Variants in SCGB2B2 observed in about 807,000 individuals in gnomAD.
The protein encoded by SCGB2B2 is secretoglobin family 2B member 2.
Under a neutral mutation model 7.6 loss-of-function variants are expected in SCGB2B2, and 11 were observed. That is an observed-to-expected ratio of 1.45 (90% CI 0.91 to 2.40). SCGB2B2 has a LOEUF of 2.40. Ranked by LOEUF, SCGB2B2 falls within the 30% of genes most tolerant of loss-of-function variation. SCGB2B2 has a pLI of 0.00. For missense variants in SCGB2B2, 104 were observed against 115.4 expected, an observed-to-expected ratio of 0.90 and a Z score of 0.45; for synonymous variants, 50 against 48.6, an observed-to-expected ratio of 1.03 and a Z score of -0.12.
At chr19:34,611,552 A>G (rs1047066647) in intron 1 of SCGB2B2, among the ~76,000 whole-genome samples, 1 of 152,024 alleles carries the variant, frequency 6.6e-6, no homozygotes, top group Non-Finnish European at 1.5e-5. Flanking sequence ...GTAGGTATTT[A>G]TCATCAAAAT....
At position 34,652,783 on chromosome 19, in the gene SCGB2B2, T is replaced by C. The variant is rs144626246; in HGVS notation, c.-2032+22847A>G. Among the ~76,000 whole-genome samples the C allele has an allele frequency of 6.5e-3, 991 of 151,386 alleles. 77 individuals are homozygous for C. Among genetic ancestry groups the C allele is most frequent in the African/African-American group, 0.024 (963 of 40,704 alleles). On this transcript the variant is annotated intron_variant, in intron 1 of 3. Transcript: ENST00000601241. Reference sequence around the variant, plus strand: ...GGAATGTAAATTAGAACAGTTATTATGAAAAACAGTATGAGGGTTCCTCAA... The same window carrying C: ...GGAATGTAAATTAGAACAGTTATTACGAAAAACAGTATGAGGGTTCCTCAA...
intron 1 of SCGB2B2, among the ~76,000 whole-genome samples, chr19:34,613,989 T>C (rs893954936): frequency 6.6e-6 from 1 of 152,240 alleles, no homozygotes; most frequent in Non-Finnish European, 1.5e-5. Flanking sequence ...AGAAAATTGC[T>C]ATTGGTCTAC....
chr19:34,666,966 C>T lies in SCGB2B2; in HGVS notation c.-2032+8664G>A, dbSNP rs151080172. Among the ~76,000 whole-genome samples the T allele has an allele frequency of 5.4e-3, 821 of 152,252 alleles. 14 individuals are homozygous for T. The highest frequency in any genetic ancestry group is 0.019 in the African/African-American group (792 of 41,546). ...AGGACACCTACATGGATTCTGTCAA[C>T]AGATATCATCCCACGGAGCTGGAAA... On this transcript the variant is annotated intron_variant, in intron 1 of 3. Coordinates refer to ENST00000601241, the MANE Select transcript of SCGB2B2 (RefSeq NM_001025591.4).
intron 1 of SCGB2B2, among the ~76,000 whole-genome samples, chr19:34,616,251 G>A (rs2066075651): frequency 6.6e-6 from 1 of 150,418 alleles, no homozygotes; most frequent in African/African-American, 2.4e-5. Flanking sequence ...CTAGATCCCT[G>A]AGGAATGGCC....
In SCGB2B2 at chr19:34,593,535, G is replaced by T; in HGVS notation, c.*20C>A. 2.6e-6 allele frequency: 4 copies of T among 1,545,006 alleles called. No homozygotes were observed. The highest frequency in any genetic ancestry group is 3.5e-6 in the Non-Finnish European group (4 of 1,141,654). ...AAGGAAGGCAGGAGGGCCAATATCT[G>T]ATCTGCAGGGGTCCTCAGATCAGAA... On this transcript the variant is annotated 3_prime_UTR_variant, in exon 4 of 4. Coordinates refer to ENST00000601241, the MANE Select transcript of SCGB2B2 (RefSeq NM_001025591.4).
chr19:34,668,865 G>C (rs946552646), intron 1 of SCGB2B2, among the ~76,000 whole-genome samples: 2 of 152,110 alleles, frequency 1.3e-5, no homozygotes, highest in African/African-American at 2.4e-5. Flanking sequence ...CAGACGGCTC[G>C]GCTCTCTGTA....
chr19:34,607,798 T>C (rs1309117161), intron 1 of SCGB2B2, among the ~76,000 whole-genome samples: 3 of 152,246 alleles, frequency 2.0e-5, no homozygotes, highest in African/African-American at 7.2e-5. Flanking sequence ...TGGATTGTTT[T>C]TTGCAATGAG....
chr19:34,608,659 G>GAATATATATATATATATA, intron 1 of SCGB2B2: 1 of 24,052 alleles, frequency 4.2e-5, no homozygotes, highest in East Asian at 1.6e-3. Context: ...GTGTCTCATT[G>GAATATATATATATATATA]CATATATATA....
chr19:34,658,401 A>G (rs978175557), intron 1 of SCGB2B2, among the ~76,000 whole-genome samples: 2 of 152,216 alleles, frequency 1.3e-5, no homozygotes, highest in Non-Finnish European at 2.9e-5. Context: ...GATGCAATAA[A>G]AAAATGATAA....
At chr19:34,661,549 T>C (rs896085457) in intron 1 of SCGB2B2, among the ~76,000 whole-genome samples, 6 of 152,194 alleles carry the variant, frequency 3.9e-5, no homozygotes, top group African/African-American at 1.4e-4. Context: ...AAGAACTAAG[T>C]AAAGCTTTAG....
In SCGB2B2 at chr19:34,593,602, G is replaced by A. The variant is rs1215111898; in HGVS notation, c.247-3C>T. 1.9e-6 allele frequency: 3 copies of A among 1,551,666 alleles called. No individual in the cohort carries two copies. In the South Asian group the frequency reaches 3.6e-5, roughly 18 times the overall value. On this transcript the variant is annotated splice_region_variant and splice_polypyrimidine_tract_variant and intron_variant, in intron 3 of 3. Coordinates refer to ENST00000601241, the MANE Select transcript of SCGB2B2 (RefSeq NM_001025591.4). The stretch of plus-strand genomic sequence containing the variant: ...TCGTTGCTCTGAAGGATCTTCTTCT[G>A]TTGGAAAAAGAAGAAAGAGAGGAGC...
At chr19:34,638,290 A>G (rs992409677) in intron 1 of SCGB2B2, 2 of 152,174 alleles carry the variant, frequency 1.3e-5, no homozygotes, top group Non-Finnish European at 2.9e-5. Context: ...TCTACTAAAA[A>G]TACAAAAAAT....
At chr19:34,657,064 G>C (rs1178855342) in intron 1 of SCGB2B2, among the ~76,000 whole-genome samples, 1 of 151,204 alleles carries the variant, frequency 6.6e-6, no homozygotes, top group Non-Finnish European at 1.5e-5. Context: ...ATATATTAAA[G>C]AGTTTTTGAA....
intron 1 of SCGB2B2, among the ~76,000 whole-genome samples, chr19:34,671,331 T>TGACC (rs1347567899): frequency 3.3e-5 from 5 of 152,388 alleles, no homozygotes; most frequent in African/African-American, 1.2e-4. Context: ...AGTGTTGGTC[T>TGACC]ATTTCTGGAC....
chr19:34,634,644 G>T (rs1489870667), intron 1 of SCGB2B2, among the ~76,000 whole-genome samples: 2 of 152,154 alleles, frequency 1.3e-5, no homozygotes, highest in African/African-American at 4.8e-5. Context: ...CCTCCAGGGT[G>T]AACTTTCTGG....
intron 1 of SCGB2B2, among the ~76,000 whole-genome samples, chr19:34,628,349 G>C (rs2066435446): frequency 6.7e-6 from 1 of 148,614 alleles, no homozygotes; most frequent in African/African-American, 2.4e-5. Context: ...TTTTTGACAA[G>C]ATCAACAAAA....
At position 34,676,197 on chromosome 19, in the gene SCGB2B2, A is replaced by G. The variant is rs997271404; in HGVS notation, c.-2599T>C. 6.6e-6 allele frequency: 1 copy of G among 152,206 alleles called. No homozygotes were observed. Among genetic ancestry groups the G allele is most frequent in the Admixed American group, 6.5e-5 (1 of 15,286 alleles). The allele number at this position is 152,206 out of a possible 1,614,324, so 9.4% of individuals were successfully genotyped here. ...CTGGTGCATTTACAAACCTTTAGCT[A>G]GACACAGAGCACTGATTGGTGTATT... On this transcript the variant is annotated 5_prime_UTR_variant, in exon 1 of 4. Coordinates refer to ENST00000601241, the MANE Select transcript of SCGB2B2 (RefSeq NM_001025591.4).
intron 1 of SCGB2B2, among the ~76,000 whole-genome samples, chr19:34,610,197 A>G (rs1161678809): frequency 1.3e-5 from 2 of 151,996 alleles, no homozygotes; most frequent in African/African-American, 2.4e-5. Flanking sequence ...ATCAGTTATA[A>G]GAGTTTTTTC....
intron 1 of SCGB2B2, among the ~76,000 whole-genome samples, chr19:34,637,474 C>A (rs1253952822): frequency 6.6e-6 from 1 of 152,168 alleles, no homozygotes; most frequent in African/African-American, 2.4e-5. Context: ...GAGGGACTTA[C>A]CCAGCGAGGC....
Sources: gnomAD v4.1 joint callset for allele counts (sites outside exome capture counted in the v4.1 genomes callset) on GRCh38, gnomAD v4.1.1 for gene constraint, MANE v1.5 for transcripts, NCBI Gene and HGNC (gene_info 2026-07-23, HGNC 2026-07-21) for gene names.